PHF21A: variants seen among roughly 807,000 people sequenced by gnomAD.
PHF21A encodes the protein PHD finger protein 21A.
A neutral mutation model predicts 82.5 loss-of-function variants in PHF21A; 11 were observed. That is an observed-to-expected ratio of 0.13 (90% CI 0.08 to 0.22). PHF21A has a LOEUF of 0.22. Ranked by LOEUF, PHF21A falls within the 10% of genes least tolerant of loss-of-function variation. The probability of loss-of-function intolerance (pLI) is 1.00; values close to 1 mark genes in which losing one functional copy is unlikely to be tolerated. For synonymous variants in PHF21A, 297 were observed against 302.8 expected (o/e 0.98, Z 0.20); for missense variants, 579 against 837.8 (o/e 0.69, Z 3.81).
chr11:46,037,392 A>G (rs979468363), intron 6 of PHF21A, among the ~76,000 whole-genome samples: 7 of 152,216 alleles, frequency 4.6e-5, no homozygotes, highest in Non-Finnish European at 1.0e-4. Context: ...CTGTGATCCC[A>G]GCACTTTGGG....
At chr11:45,999,441 A>G (rs554508062) in intron 6 of PHF21A, among the ~76,000 whole-genome samples, 7 of 152,380 alleles carry the variant, frequency 4.6e-5, no homozygotes, top group Non-Finnish European at 1.0e-4. Context: ...GAAATAGCAC[A>G]TAGTATATAC....
At position 45,938,286 on chromosome 11, in the gene PHF21A, G is replaced by A. The variant is rs2089572817; in HGVS notation, c.1479C>T (p.Ser493=). 6 of 1,610,776 alleles carry A rather than the reference G, an allele frequency of 3.7e-6. No homozygotes were observed. The highest frequency in any genetic ancestry group is 5.1e-6 in the Non-Finnish European group (6 of 1,178,532). Residue 493 remains serine (S), a synonymous_variant, in exon 16 of 19, where the codon AGC becomes AGT. Coordinates refer to ENST00000676320, the MANE Select transcript of PHF21A (RefSeq NM_001352027.3). ...TDGDIHEDFC[S]VCRKSGQLLM... is the part of the protein sequence containing the mutation. Reference sequence around the variant, plus strand: ...GTAACTGGCCACTTTTTCTGCAAACGCTGCAAAAATCCTCATGAATATCAC... The same window carrying A: ...GTAACTGGCCACTTTTTCTGCAAACACTGCAAAAATCCTCATGAATATCAC...
chr11:46,004,232 T>C lies in PHF21A; in HGVS notation c.154-24266A>G, dbSNP rs1381108297. ...CATACTGGTAAGAAATTTCATCCAA[T>C]GTTCATCTTCATAAAAACCAAATAA... On this transcript the variant is annotated intron_variant, in intron 6 of 18. Coordinates refer to ENST00000676320, the MANE Select transcript of PHF21A (RefSeq NM_001352027.3). Among the ~76,000 whole-genome samples, 13 of 152,326 alleles carry C rather than the reference T, an allele frequency of 8.5e-5. No homozygotes were observed. The East Asian group carries it at 2.3e-3, about 27-fold the overall frequency.
rs1195448960 is a variant in PHF21A, at chr11:45,933,246, G to C, written c.*722C>G. On this transcript the variant is annotated 3_prime_UTR_variant, in exon 19 of 19. Coordinates refer to ENST00000676320, the MANE Select transcript of PHF21A (RefSeq NM_001352027.3). ...ACGGAGATGCGCGACTCACCAAGCA[G>C]GGAAGGAAGGAGACTGGGCAGGCTT... The C allele has an allele frequency of 6.6e-6, 1 of 152,626 alleles. No homozygotes were observed. The highest frequency in any genetic ancestry group is 2.4e-5 in the African/African-American group (1 of 41,444). The allele number at this position is 152,626 out of a possible 1,614,324, so 9.5% of individuals were successfully genotyped here. A position where few individuals can be genotyped will look rare whatever the true frequency, so the allele number is the denominator to read the frequency against.
At chr11:45,959,826 T>C (rs1037967040) in intron 10 of PHF21A, among the ~76,000 whole-genome samples, 7 of 152,158 alleles carry the variant, frequency 4.6e-5, no homozygotes, top group Non-Finnish European at 8.8e-5. Flanking sequence ...CCAGATTATA[T>C]AAAGAACTCT....
At chr11:45,954,383 C>T (rs1180670425) in intron 10 of PHF21A, among the ~76,000 whole-genome samples, 2 of 152,126 alleles carry the variant, frequency 1.3e-5, no homozygotes, top group Non-Finnish European at 2.9e-5. Flanking sequence ...TACACAGTCT[C>T]CTATTTCGGA....
At chr11:46,119,555 A>C (rs930929231) in intron 1 of PHF21A, among the ~76,000 whole-genome samples, 2 of 152,110 alleles carry the variant, frequency 1.3e-5, no homozygotes, top group Non-Finnish European at 2.9e-5. Flanking sequence ...CCTCATCACA[A>C]CAACTCAACT....
intron 1 of PHF21A, among the ~76,000 whole-genome samples, chr11:46,113,552 G>T (rs372985613): frequency 6.6e-6 from 1 of 152,070 alleles, no homozygotes; most frequent in African/African-American, 2.4e-5. Flanking sequence ...TGTTTTGGCC[G>T]GGCGCGGTGG....
At chr11:46,114,121 A>C (rs2097258929) in intron 1 of PHF21A, among the ~76,000 whole-genome samples, 1 of 152,062 alleles carries the variant, frequency 6.6e-6, no homozygotes. Flanking sequence ...ATCCCCACAC[A>C]CACACGCTTC....
chr11:46,037,824 T>C (rs1282284458), intron 6 of PHF21A, among the ~76,000 whole-genome samples: 6 of 152,068 alleles, frequency 3.9e-5, no homozygotes, highest in Admixed American at 3.9e-4. Context: ...CAAATTTTCT[T>C]GCTTGATGCT....
intron 6 of PHF21A, among the ~76,000 whole-genome samples, chr11:46,035,061 G>C (rs2095965516): frequency 6.6e-6 from 1 of 152,174 alleles, no homozygotes; most frequent in South Asian, 2.1e-4. Context: ...GCTGCTTCTT[G>C]CATTCCTGAG....
At chr11:46,038,459 C>A (rs765259319) in intron 6 of PHF21A, among the ~76,000 whole-genome samples, 11 of 152,166 alleles carry the variant, frequency 7.2e-5, no homozygotes, top group Non-Finnish European at 1.3e-4. Context: ...ATTTATTGAG[C>A]ACCTCCATGT....
At chr11:46,082,513 T>C (rs1470128983) in intron 4 of PHF21A, among the ~76,000 whole-genome samples, 1 of 152,196 alleles carries the variant, frequency 6.6e-6, no homozygotes. Context: ...TATTGACATA[T>C]AAATAAATGT....
intron 6 of PHF21A, among the ~76,000 whole-genome samples, chr11:46,074,647 C>T (rs1267121733): frequency 6.6e-6 from 1 of 152,194 alleles, no homozygotes; most frequent in Admixed American, 6.5e-5. Context: ...GGACTACTGG[C>T]ATGTGCCACT....
chr11:45,969,003 A>T (rs1254566290), intron 9 of PHF21A, among the ~76,000 whole-genome samples: 2 of 151,366 alleles, frequency 1.3e-5, no homozygotes, highest in Non-Finnish European at 2.9e-5. Flanking sequence ...CCTCTGAGGT[A>T]TTTACTAGGG....
At chr11:46,106,784 A>C (rs949246598) in intron 1 of PHF21A, among the ~76,000 whole-genome samples, 5 of 152,210 alleles carry the variant, frequency 3.3e-5, no homozygotes, top group Non-Finnish European at 7.3e-5. Context: ...CTGCCATCTC[A>C]ATGGGAGTAG....
chr11:45,947,468 T>G (rs1285086146), intron 14 of PHF21A, among the ~76,000 whole-genome samples: 2 of 152,212 alleles, frequency 1.3e-5, no homozygotes. Flanking sequence ...CTCTCTGTAT[T>G]AAATTGGTGA....
intron 18 of PHF21A, chr11:45,934,650 G>A (rs2088388043): frequency 3.9e-6 from 1 of 254,220 alleles, no homozygotes; most frequent in Admixed American, 5.1e-5. Flanking sequence ...ACTGGACTGA[G>A]CTCTCCAGGG....
intron 6 of PHF21A, among the ~76,000 whole-genome samples, chr11:45,989,683 T>A (rs2094612219): frequency 1.3e-5 from 2 of 148,196 alleles, no homozygotes; most frequent in South Asian, 4.2e-4. Context: ...AATAAATAAA[T>A]AAATAAAAAT....
Sources: gnomAD v4.1 joint callset for allele counts (sites outside exome capture counted in the v4.1 genomes callset) on GRCh38, gnomAD v4.1.1 for gene constraint, MANE v1.5 for transcripts, NCBI Gene and HGNC (gene_info 2026-07-23, HGNC 2026-07-21) for gene names.